CALM2: variants seen among roughly 807,000 people sequenced by gnomAD.
CALM2 encodes the protein calmodulin-2.
CALM2 carries 2 observed loss-of-function variants against 19.8 expected under a neutral mutation model. That is an observed-to-expected ratio of 0.10 (90% CI 0.04 to 0.32). The LOEUF (loss-of-function observed/expected upper bound fraction) is 0.32. CALM2 is among the 10% of genes least tolerant of loss of function. CALM2 has a pLI of 1.00. For synonymous variants in CALM2, 51 were observed against 52.1 expected (o/e 0.98, Z 0.09); for missense variants, 38 against 178.7 (o/e 0.21, Z 4.49).
chr2:47,167,478 G>C (rs1666513770), intron 2 of CALM2: 1 of 164,776 alleles, frequency 6.1e-6, no homozygotes, highest in South Asian at 1.2e-4. Context: ...CGGATCACCT[G>C]ACGTCAGCAG....
upstream of CALM2, chr2:47,176,535 G>T (rs377288714): frequency 2.7e-4 from 429 of 1,579,296 alleles, 2 homozygotes; most frequent in African/African-American, 5.1e-3. Context: ...CGCCCCCAGC[G>T]CCTCATAAAC....
At chr2:47,163,086 C>A (rs967734154) in intron 2 of CALM2, 2 of 156,550 alleles carry the variant, frequency 1.3e-5, no homozygotes, top group Admixed American at 1.2e-4. Flanking sequence ...ACAGACCTAA[C>A]CTACACTCAC....
chr2:47,175,097 T>TTTTTTTTTTTTTTTCC (rs751897252), intron 1 of CALM2, among the ~76,000 whole-genome samples: 3 of 126,626 alleles, frequency 2.4e-5, no homozygotes, highest in African/African-American at 1.2e-4. Flanking sequence ...TTTTTTTTTT[T>TTTTTTTTTTTTTTTCC]TCAGGAAAGA....
intron 1 of CALM2, 184 bp from the exon 2 acceptor site, chr2:47,170,948 C>G: frequency 1.7e-6 from 1 of 591,866 alleles, no homozygotes. Context: ...GCTGTCTTAA[C>G]TCCAAGTTTA....
chr2:47,170,896 T>C (rs1466527375), intron 1 of CALM2, 132 bp from the exon 2 acceptor site: 2 of 753,004 alleles, frequency 2.7e-6, no homozygotes, highest in African/African-American at 1.7e-5. Context: ...CACATCTGGA[T>C]AGAAAATGCA....
chr2:47,172,459 C>T (rs1353469233), intron 1 of CALM2: 1 of 1,073,262 alleles, frequency 9.3e-7, no homozygotes, highest in African/African-American at 1.6e-5. Context: ...ACAAAGCTAA[C>T]CTAAAGAGTT....
intron 5 of CALM2, among the ~76,000 whole-genome samples, chr2:47,161,162 C>G (rs576240844): frequency 6.6e-6 from 1 of 152,134 alleles, no homozygotes; most frequent in South Asian, 2.1e-4. Context: ...ATTTTATGCT[C>G]TTTTCTAAGT....
At chr2:47,176,190 A>C (rs1332997480) in intron 1 of CALM2, 1 of 517,282 alleles carries the variant, frequency 1.9e-6, no homozygotes, top group Non-Finnish European at 3.5e-6. Context: ...CAAGCCCCCG[A>C]GGAGCTTCAC....
At chr2:47,173,046 C>G (rs1666728812) in intron 1 of CALM2, 2 of 152,086 alleles carry the variant, frequency 1.3e-5, no homozygotes, top group African/African-American at 2.4e-5. Context: ...CCCAAGAGAC[C>G]AAATTACTCA....
intron 2 of CALM2, among the ~76,000 whole-genome samples, chr2:47,170,061 T>TA (rs1335781032): frequency 1.3e-5 from 2 of 152,072 alleles, no homozygotes; most frequent in Non-Finnish European, 2.9e-5. Flanking sequence ...TCAAAAGTAT[T>TA]AATGTTCTAT....
At chr2:47,169,551 T>C (rs1201405544) in intron 2 of CALM2, among the ~76,000 whole-genome samples, 1 of 152,210 alleles carries the variant, frequency 6.6e-6, no homozygotes, top group African/African-American at 2.4e-5. Context: ...TTGCTTTTTG[T>C]TCATAACAGT....
At chr2:47,167,809 C>CTTTTTTTTTTTTTT (rs1400752450) in intron 2 of CALM2, 5 of 18,242 alleles carry the variant, frequency 2.7e-4, no homozygotes, top group African/African-American at 5.3e-4. Context: ...ATTTTTTTTT[C>CTTTTTTTTTTTTTT]TTTTCTTTGA....
chr2:47,175,072 T>C (rs1666802332), intron 1 of CALM2, among the ~76,000 whole-genome samples: 1 of 94,204 alleles, frequency 1.1e-5, no homozygotes, highest in Non-Finnish European at 2.2e-5. Context: ...ATCACCGCCC[T>C]CATTAGGTGT....
chr2:47,173,061 A>G (rs1004976651), intron 1 of CALM2: 1 of 152,116 alleles, frequency 6.6e-6, no homozygotes, highest in Non-Finnish European at 1.5e-5. Flanking sequence ...TACTCACATA[A>G]CCTGAAAGCT....
At chr2:47,175,809 G>A (rs1666842449) in intron 1 of CALM2, among the ~76,000 whole-genome samples, 1 of 148,028 alleles carries the variant, frequency 6.8e-6, no homozygotes, top group African/African-American at 2.4e-5. Flanking sequence ...GTCCCGCGAG[G>A]CGCTCGCCCG....
upstream of CALM2, chr2:47,176,549 T>A (rs1323923289): frequency 2.6e-6 from 4 of 1,560,986 alleles, no homozygotes; most frequent in Non-Finnish European, 2.6e-6. Flanking sequence ...CATAAACACC[T>A]CCCTCCGCCA....
intron 2 of CALM2, among the ~76,000 whole-genome samples, chr2:47,168,442 A>G (rs1165594866): frequency 3.3e-5 from 5 of 152,198 alleles, no homozygotes; most frequent in East Asian, 1.9e-4. Context: ...AGTATTCTTT[A>G]TAAGAATTCT....
chr2:47,164,517 A>C (rs1459244669), intron 2 of CALM2, among the ~76,000 whole-genome samples: 1 of 151,946 alleles, frequency 6.6e-6, no homozygotes, highest in Non-Finnish European at 1.5e-5. Flanking sequence ...GAACTGCTTG[A>C]ACCCGAGAGG....
chr2:47,170,611 C>T (rs1558699493), intron 2 of CALM2, 123 bp downstream of exon 2: 7 of 797,098 alleles, frequency 8.8e-6, no homozygotes, highest in African/African-American at 3.4e-5. Flanking sequence ...ATATTATACC[C>T]ATATGTTAGT....
Sources: allele counts gnomAD v4.1 joint callset (sites outside exome capture counted in the v4.1 genomes callset), GRCh38; gene constraint gnomAD v4.1.1; transcripts MANE v1.5; gene names NCBI Gene and HGNC (gene_info 2026-07-23, HGNC 2026-07-21).